TBC1D1: variants seen among roughly 807,000 people sequenced by gnomAD.
The protein encoded by TBC1D1 is TBC1 (tre-2/USP6, BUB2, cdc16) domain family, member 1.
A neutral mutation model predicts 125.6 loss-of-function variants in TBC1D1; 89 were observed. The ratio of observed to expected loss-of-function variants is 0.71; its 90% CI spans 0.60 to 0.85. TBC1D1 has a LOEUF of 0.85. TBC1D1 is among the 40% of genes least tolerant of loss of function. TBC1D1 has a pLI of 0.00. For synonymous variants in TBC1D1, 565 were observed against 564.1 expected, an observed-to-expected ratio of 1.00 and a Z score of -0.02; for missense variants, 1,377 against 1,469.2, an observed-to-expected ratio of 0.94 and a Z score of 1.03.
At chr4:37,909,101 G>C (rs1041298619) in intron 2 of TBC1D1, among the ~76,000 whole-genome samples, 1 of 152,152 alleles carries the variant, frequency 6.6e-6, no homozygotes, top group African/African-American at 2.4e-5. Flanking sequence ...GTTTCCTTTT[G>C]AAATTTCCTG....
chr4:38,016,724 CAAGG>C (rs1742807153), intron 3 of TBC1D1, among the ~76,000 whole-genome samples: 1 of 152,166 alleles, frequency 6.6e-6, no homozygotes, highest in East Asian at 1.9e-4. Flanking sequence ...GCACTGAAAA[CAAGG>C]AAGGATGGTG....
chr4:38,018,368 A>G lies in TBC1D1; in HGVS notation c.897A>G (p.Glu299=), dbSNP rs1184159790. The G allele has an allele frequency of 3.1e-6, 5 of 1,610,392 alleles. No individual in the cohort carries two copies. The highest frequency in any genetic ancestry group is 1.1e-5 in the South Asian group (1 of 90,086). The change falls in exon 4 of 20, where the codon GAA becomes GAG. Residue 299 remains glutamate, a synonymous_variant. Coordinates refer to ENST00000261439, the MANE Select transcript of TBC1D1 (RefSeq NM_015173.4). ...TGTCTTTTAAGATTGGCCAGTCTGA[A>G]GTTTACCTCATCAGTCCTGACACCA...
At chr4:37,916,914 G>A (rs1165307799) in intron 2 of TBC1D1, among the ~76,000 whole-genome samples, 1 of 152,012 alleles carries the variant, frequency 6.6e-6, no homozygotes, top group Non-Finnish European at 1.5e-5. Context: ...GGGATTAGAG[G>A]CACATGCTAC....
At chr4:37,997,152 T>A (rs558089976) in intron 2 of TBC1D1, among the ~76,000 whole-genome samples, 10 of 152,348 alleles carry the variant, frequency 6.6e-5, no homozygotes, top group Non-Finnish European at 1.2e-4. Flanking sequence ...CGCTAATGGT[T>A]TATCTAAACT....
chr4:37,906,901 A>T (rs1349159080), intron 2 of TBC1D1, among the ~76,000 whole-genome samples: 1 of 152,236 alleles, frequency 6.6e-6, no homozygotes, highest in Non-Finnish European at 1.5e-5. Context: ...AGGATCCCAA[A>T]GACCATCGGT....
intron 2 of TBC1D1, chr4:37,960,412 G>A: frequency 1.3e-6 from 2 of 1,591,230 alleles, no homozygotes; most frequent in Non-Finnish European, 1.7e-6. Flanking sequence ...GAATGTGGCT[G>A]TTGAGAGCGG....
At chr4:37,935,284 C>T (rs1400713890) in intron 2 of TBC1D1, among the ~76,000 whole-genome samples, 1 of 152,180 alleles carries the variant, frequency 6.6e-6, no homozygotes, top group Admixed American at 6.5e-5. Context: ...CAGATCTCTG[C>T]ACCAAAACCC....
intron 7 of TBC1D1, among the ~76,000 whole-genome samples, chr4:38,029,481 C>T (rs1745727884): frequency 6.6e-6 from 1 of 152,216 alleles, no homozygotes; most frequent in Non-Finnish European, 1.5e-5. Flanking sequence ...AATTCTCCTG[C>T]CTCAGCCTCC....
At chr4:38,028,032 C>T (rs895001010) in intron 7 of TBC1D1, among the ~76,000 whole-genome samples, 153 bp downstream of exon 7, 1 of 151,978 alleles carries the variant, frequency 6.6e-6, no homozygotes, top group African/African-American at 2.4e-5. Context: ...AATCTTTTGG[C>T]TTCCCTGGGC....
At chr4:37,944,458 A>C (rs890666655) in intron 2 of TBC1D1, among the ~76,000 whole-genome samples, 8 of 152,172 alleles carry the variant, frequency 5.3e-5, no homozygotes, top group African/African-American at 1.7e-4. Flanking sequence ...GCAGGCAGGC[A>C]TCCTTGAGCT....
intron 2 of TBC1D1, among the ~76,000 whole-genome samples, chr4:37,934,095 C>A (rs1723880245): frequency 6.6e-6 from 1 of 152,146 alleles, no homozygotes; most frequent in African/African-American, 2.4e-5. Context: ...GACTGGGAGA[C>A]AGCTAATAGG....
At chr4:38,057,673 ATAT>A (rs1560709006) in intron 12 of TBC1D1, among the ~76,000 whole-genome samples, 1 of 152,248 alleles carries the variant, frequency 6.6e-6, no homozygotes, top group Non-Finnish European at 1.5e-5. Context: ...TAATAGCCAC[ATAT>A]TATGCTCTTT....
At chr4:37,952,238 G>A (rs1728036325) in intron 2 of TBC1D1, 6 of 583,764 alleles carry the variant, frequency 1.0e-5, no homozygotes, top group Non-Finnish European at 1.5e-5. Context: ...CTGAGTCTGT[G>A]CGGAAATCAC....
chr4:38,013,746 T>C (rs758035187), intron 2 of TBC1D1, among the ~76,000 whole-genome samples: 1 of 152,350 alleles, frequency 6.6e-6, no homozygotes, highest in Non-Finnish European at 1.5e-5. Context: ...AGGTCTTTTA[T>C]TACATTCTTT....
chr4:38,088,976 C>T (rs1254001995), intron 12 of TBC1D1, among the ~76,000 whole-genome samples: 2 of 152,106 alleles, frequency 1.3e-5, no homozygotes, highest in Non-Finnish European at 2.9e-5. Flanking sequence ...CAGTAACATC[C>T]TCCTATAATG....
intron 6 of TBC1D1, among the ~76,000 whole-genome samples, chr4:38,022,072 A>C (rs530894648): frequency 6.6e-6 from 1 of 152,348 alleles, no homozygotes; most frequent in Non-Finnish European, 1.5e-5. Flanking sequence ...TAGAAAGATA[A>C]GAACTAAGGA....
chr4:38,136,609 A>G (rs1316557168), intron 19 of TBC1D1, among the ~76,000 whole-genome samples: 1 of 152,208 alleles, frequency 6.6e-6, no homozygotes, highest in African/African-American at 2.4e-5. Context: ...GATTGTTACC[A>G]CGTGGGCCTT....
intron 2 of TBC1D1, among the ~76,000 whole-genome samples, chr4:37,980,620 T>G (rs1015466552): frequency 6.6e-6 from 1 of 152,230 alleles, no homozygotes; most frequent in African/African-American, 2.4e-5. Context: ...TATGTCAGTT[T>G]ATGAGAAAAA....
At chr4:38,039,944 A>G (rs1423005226) in intron 8 of TBC1D1, among the ~76,000 whole-genome samples, 1 of 147,164 alleles carries the variant, frequency 6.8e-6, no homozygotes, top group Non-Finnish European at 1.5e-5. Context: ...CGAGACCCCC[A>G]TCTCTGTTTT....
Sources: allele counts gnomAD v4.1 joint callset (sites outside exome capture counted in the v4.1 genomes callset), GRCh38; gene constraint gnomAD v4.1.1; transcripts MANE v1.5; gene names NCBI Gene and HGNC (gene_info 2026-07-23, HGNC 2026-07-21).